Variants in NTM observed in about 807,000 individuals in gnomAD.
NTM encodes neurotrimin, also known as IgLON family member 2.
A neutral mutation model predicts 42.1 loss-of-function variants in NTM; 13 were observed. That is an observed-to-expected ratio of 0.31 (90% confidence interval 0.20 to 0.49). The LOEUF (loss-of-function observed/expected upper bound fraction) is 0.49. Ranked by LOEUF, NTM falls within the 20% of genes least tolerant of loss-of-function variation. NTM has a pLI of 0.99. For synonymous variants in NTM, 187 were observed against 179.2 expected (o/e 1.04, Z -0.35); for missense variants, 373 against 452.8 (o/e 0.82, Z 1.60).
At chr11:131,422,475 G>A (rs895650851) in intron 1 of NTM, among the ~76,000 whole-genome samples, 5 of 152,122 alleles carry the variant, frequency 3.3e-5, no homozygotes, top group South Asian at 2.1e-4. Flanking sequence ...TTGATCAGGC[G>A]CAAATTAAGT....
intron 2 of NTM, among the ~76,000 whole-genome samples, chr11:132,012,158 C>G (rs189042094): frequency 6.6e-6 from 1 of 151,296 alleles, no homozygotes; most frequent in African/African-American, 2.4e-5. Flanking sequence ...TGGATAGGGT[C>G]GGGGAAGAAA....
At chr11:132,230,527 A>C (rs545471122) in intron 4 of NTM, among the ~76,000 whole-genome samples, 26 of 152,274 alleles carry the variant, frequency 1.7e-4, no homozygotes, top group African/African-American at 6.3e-4. Context: ...CTGGAGCTTA[A>C]TCAGGGGCAT....
intron 1 of NTM, among the ~76,000 whole-genome samples, chr11:131,494,657 C>T (rs1451851724): frequency 6.6e-6 from 1 of 152,112 alleles, no homozygotes; most frequent in African/African-American, 2.4e-5. Flanking sequence ...TGAATGAACG[C>T]ATAAATAAAT....
chr11:131,936,920 T>C (rs375023684), intron 2 of NTM, among the ~76,000 whole-genome samples: 2 of 152,234 alleles, frequency 1.3e-5, no homozygotes, highest in East Asian at 3.8e-4. Flanking sequence ...GTGATGTAAC[T>C]GAGAACAGTT....
intron 4 of NTM, among the ~76,000 whole-genome samples, chr11:132,246,894 C>T (rs2139312169): frequency 6.6e-6 from 1 of 152,338 alleles, no homozygotes; most frequent in East Asian, 1.9e-4. Context: ...CTCTCTAGCC[C>T]CAGGCTCATT....
intron 1 of NTM, chr11:131,660,960 G>C (rs1172256698): frequency 7.7e-7 from 1 of 1,303,986 alleles, no homozygotes; most frequent in Non-Finnish European, 1.0e-6. Flanking sequence ...TCATCCCCAA[G>C]GCAAAGTTGG....
At chr11:132,314,023 A>ATC (rs2095356170) in intron 6 of NTM, among the ~76,000 whole-genome samples, 1 of 152,208 alleles carries the variant, frequency 6.6e-6, no homozygotes, top group African/African-American at 2.4e-5. Context: ...ATAGCCAAAA[A>ATC]ATTAAGTATT....
chr11:132,091,036 C>G (rs915423023), intron 2 of NTM, among the ~76,000 whole-genome samples: 1 of 152,150 alleles, frequency 6.6e-6, no homozygotes, highest in African/African-American at 2.4e-5. Flanking sequence ...CTTTCTTACT[C>G]AAGAGGATTA....
At chr11:131,579,182 A>G (rs984618079) in intron 1 of NTM, among the ~76,000 whole-genome samples, 1 of 152,170 alleles carries the variant, frequency 6.6e-6, no homozygotes, top group Non-Finnish European at 1.5e-5. Context: ...TGCTCTGAGG[A>G]GCAATGGGAA....
At chr11:132,261,931 C>G (rs1252559954) in intron 4 of NTM, among the ~76,000 whole-genome samples, 1 of 152,204 alleles carries the variant, frequency 6.6e-6, no homozygotes, top group Non-Finnish European at 1.5e-5. Context: ...AGCTGCAGAT[C>G]CAGGGCTTGC....
chr11:131,567,171 TG>T (rs2056976255), intron 1 of NTM, among the ~76,000 whole-genome samples: 2 of 151,806 alleles, frequency 1.3e-5, no homozygotes, highest in African/African-American at 4.8e-5. Flanking sequence ...AGAGAGGGGC[TG>T]GGAGATGCTT....
intron 2 of NTM, among the ~76,000 whole-genome samples, chr11:132,117,250 C>T (rs2064036434): frequency 6.6e-6 from 1 of 152,160 alleles, no homozygotes; most frequent in South Asian, 2.1e-4. Context: ...AGAGTGTTTG[C>T]CAATGTCTCC....
intron 1 of NTM, among the ~76,000 whole-genome samples, chr11:131,641,802 C>A (rs1281356002): frequency 1.3e-5 from 2 of 150,834 alleles, no homozygotes; most frequent in African/African-American, 4.9e-5. Flanking sequence ...TCTCGGCTCA[C>A]TGCAACCTCC....
At chr11:132,083,245 G>A (rs2059306948) in intron 2 of NTM, among the ~76,000 whole-genome samples, 1 of 152,210 alleles carries the variant, frequency 6.6e-6, no homozygotes, top group Non-Finnish European at 1.5e-5. Context: ...AGAATTTAAT[G>A]ACAAATCTAT....
intron 2 of NTM, among the ~76,000 whole-genome samples, chr11:132,014,537 C>T (rs1157428414): frequency 1.3e-5 from 2 of 151,920 alleles, no homozygotes; most frequent in Non-Finnish European, 2.9e-5. Context: ...CTTTTCTCTG[C>T]TTTCTGCATT....
chr11:131,430,025 TCCAA>T (rs1948524136), intron 1 of NTM, among the ~76,000 whole-genome samples: 1 of 152,186 alleles, frequency 6.6e-6, no homozygotes, highest in Admixed American at 6.5e-5. Flanking sequence ...TAAGTTTTGC[TCCAA>T]AGCTATTTGC....
intron 1 of NTM, among the ~76,000 whole-genome samples, chr11:131,739,944 C>A (rs1169679343): frequency 6.6e-6 from 1 of 152,198 alleles, no homozygotes; most frequent in Admixed American, 6.5e-5. Context: ...AACGCACAGT[C>A]TCTTACACCC....
chr11:132,176,870 A>G (rs890005557), intron 3 of NTM, among the ~76,000 whole-genome samples: 2 of 151,818 alleles, frequency 1.3e-5, no homozygotes, highest in Non-Finnish European at 2.9e-5. Context: ...CCGGGATTAC[A>G]GGGGCCCACC....
chr11:131,997,534 G>A (rs1054158409), intron 2 of NTM, among the ~76,000 whole-genome samples: 1 of 152,200 alleles, frequency 6.6e-6, no homozygotes. Context: ...CAGTGGGTTT[G>A]CAGGCATAGC....
Sources: allele counts gnomAD v4.1 joint callset (sites outside exome capture counted in the v4.1 genomes callset), GRCh38; gene constraint gnomAD v4.1.1; transcripts MANE v1.5; gene names NCBI Gene and HGNC (gene_info 2026-07-23, HGNC 2026-07-21).